The following CRB1 variants were observed in gnomAD, a reference collection of about 807,000 sequenced individuals.
CRB1 encodes crumbs cell polarity complex component 1.
CRB1 carries 83 observed loss-of-function variants against 120.0 expected under a neutral mutation model. That is an observed-to-expected ratio of 0.69 (90% CI 0.58 to 0.83). The LOEUF (loss-of-function observed/expected upper bound fraction) is 0.83. Ranked by LOEUF, CRB1 falls within the 40% of genes least tolerant of loss-of-function variation. The pLI, the probability that CRB1 is intolerant of heterozygous loss-of-function variation, is 0.00. For synonymous variants in CRB1, 625 were observed against 612.5 expected, an observed-to-expected ratio of 1.02 and a Z score of -0.30; for missense variants, 1,699 against 1,687.6, an observed-to-expected ratio of 1.01 and a Z score of -0.12.
At chr1:197,447,976 A>G (rs1435586010) in intron 11 of CRB1, among the ~76,000 whole-genome samples, 2 of 152,070 alleles carry the variant, frequency 1.3e-5, no homozygotes, top group African/African-American at 4.8e-5. Context: ...GATAGTCCAC[A>G]TATAATCCAC....
intron 5 of CRB1, among the ~76,000 whole-genome samples, chr1:197,371,859 A>C (rs770910596): frequency 2.6e-4 from 40 of 152,110 alleles, no homozygotes; most frequent in Non-Finnish European, 4.4e-4. Flanking sequence ...TTCATTCTTC[A>C]GAGATGCTTG....
chr1:197,291,151 G>A (rs1267209177), intron 1 of CRB1, among the ~76,000 whole-genome samples: 1 of 151,650 alleles, frequency 6.6e-6, no homozygotes, highest in Non-Finnish European at 1.5e-5. Context: ...AACTTAATTA[G>A]TAATATTTAA....
the CRB1 span, among the ~76,000 whole-genome samples, chr1:197,262,119 C>T: frequency 1.3e-5 from 2 of 152,166 alleles, no homozygotes; most frequent in Non-Finnish European, 2.9e-5. Context: ...GATGATGACT[C>T]TAGTATCTGA....
chr1:197,329,854 A>G (rs1658747391), intron 2 of CRB1, among the ~76,000 whole-genome samples: 1 of 152,082 alleles, frequency 6.6e-6, no homozygotes, highest in South Asian at 2.1e-4. Context: ...CCTGACTCAT[A>G]TCTCTAAGAC....
intron 1 of CRB1, among the ~76,000 whole-genome samples, chr1:197,288,003 T>C (rs1164646363): frequency 1.3e-5 from 2 of 151,732 alleles, no homozygotes; most frequent in Non-Finnish European, 2.9e-5. Flanking sequence ...TGCTTGAACT[T>C]ACTACCATGA....
chr1:197,353,882 C>T (rs1322425915), intron 4 of CRB1, among the ~76,000 whole-genome samples: 2 of 147,016 alleles, frequency 1.4e-5, no homozygotes, highest in South Asian at 4.3e-4. Context: ...TTGATATTAT[C>T]CTATTGACCA....
At chr1:197,319,122 A>G (rs562061098) in intron 1 of CRB1, among the ~76,000 whole-genome samples, 17 of 151,762 alleles carry the variant, frequency 1.1e-4, no homozygotes, top group Middle Eastern at 3.4e-3. Context: ...ATATTAAACA[A>G]AGGTATATTA....
intron 11 of CRB1, among the ~76,000 whole-genome samples, chr1:197,452,198 C>A (rs985055231): frequency 2.6e-5 from 4 of 152,162 alleles, no homozygotes; most frequent in African/African-American, 9.7e-5. Context: ...ATTCTTCCTG[C>A]TGTTCTAAGA....
chr1:197,350,565 A>T (rs749277954), intron 4 of CRB1, among the ~76,000 whole-genome samples: 6 of 152,212 alleles, frequency 3.9e-5, no homozygotes, highest in Non-Finnish European at 7.3e-5. Flanking sequence ...TGGCTAATAC[A>T]ATAGGGATCT....
At chr1:197,355,658 C>T (rs1203048248) in intron 4 of CRB1, among the ~76,000 whole-genome samples, 4 of 151,922 alleles carry the variant, frequency 2.6e-5, no homozygotes, top group Non-Finnish European at 5.9e-5. Context: ...CCCTCAATGC[C>T]GTGGGCAGCG....
At position 197,347,336 on chromosome 1, in the gene CRB1, C is replaced by T; in HGVS notation, c.849-4C>T. 2 of 1,613,152 alleles carry T rather than the reference C, an allele frequency of 1.2e-6. No individual in the cohort carries two copies. Among genetic ancestry groups the T allele is most frequent in the Non-Finnish European group, 8.5e-7 (1 of 1,179,164 alleles). The stretch of plus-strand genomic sequence containing the variant: ...TTGACATGAAAATTTCATTTACTTT[C>T]CAGATATAGCTGTAACTGCACGGGT... On this transcript the variant is annotated splice_polypyrimidine_tract_variant and splice_region_variant and intron_variant, in intron 3 of 11. Coordinates refer to ENST00000367400, the MANE Select transcript of CRB1 (RefSeq NM_201253.3).
chr1:197,253,164 A>T, the CRB1 span, among the ~76,000 whole-genome samples: 1 of 152,014 alleles, frequency 6.6e-6, no homozygotes, highest in Non-Finnish European at 1.5e-5. Flanking sequence ...TTTCAGACAT[A>T]CCATTCGTTA....
intron 5 of CRB1, among the ~76,000 whole-genome samples, chr1:197,381,931 T>C (rs1019639161): frequency 6.6e-6 from 1 of 152,120 alleles, no homozygotes; most frequent in African/African-American, 2.4e-5. Context: ...CCCTTGCAGA[T>C]GTGTTTGATG....
At chr1:197,416,090 G>C (rs2125459183) in intron 5 of CRB1, among the ~76,000 whole-genome samples, 1 of 152,292 alleles carries the variant, frequency 6.6e-6, no homozygotes, top group South Asian at 2.1e-4. Flanking sequence ...AGAATCTATT[G>C]TGTACTGTCT....
At chr1:197,337,162 G>T (rs1659203851) in intron 2 of CRB1, among the ~76,000 whole-genome samples, 1 of 152,074 alleles carries the variant, frequency 6.6e-6, no homozygotes, top group East Asian at 1.9e-4. Context: ...TATAAAAGAG[G>T]TCCAAGAGAG....
At chr1:197,442,443 A>G in intron 11 of CRB1, 151 bp downstream of exon 11, 1 of 1,544,820 alleles carries the variant, frequency 6.5e-7, no homozygotes, top group Non-Finnish European at 8.7e-7. Context: ...TTCCCAAATG[A>G]AAAAAAAAGC....
chr1:197,297,234 C>T (rs1656580721), intron 1 of CRB1, among the ~76,000 whole-genome samples: 1 of 151,976 alleles, frequency 6.6e-6, no homozygotes, highest in South Asian at 2.1e-4. Context: ...TGATATCCAT[C>T]CCCTTCTAAT....
At chr1:197,294,591 A>AGCATGCACATGCTAT (rs1656402821) in intron 1 of CRB1, among the ~76,000 whole-genome samples, 2 of 152,274 alleles carry the variant, frequency 1.3e-5, no homozygotes, top group South Asian at 2.1e-4. Context: ...ATGCTGCTAT[A>AGCATGCACATGCTAT]AAGACACATG....
At chr1:197,428,986 G>C (rs1397152079) in intron 7 of CRB1, 1 of 1,531,966 alleles carries the variant, frequency 6.5e-7, no homozygotes, top group Non-Finnish European at 8.7e-7. Flanking sequence ...GCAGACCAAT[G>C]TGGGAAGGGC....
Sources: allele counts gnomAD v4.1 joint callset (sites outside exome capture counted in the v4.1 genomes callset), GRCh38; gene constraint gnomAD v4.1.1; transcripts MANE v1.5; gene names NCBI Gene and HGNC (gene_info 2026-07-23, HGNC 2026-07-21).